Variants in LAMA2 observed in about 807,000 individuals in gnomAD.
LAMA2 encodes laminin subunit alpha 2, also known as laminin subunit alpha-2.
Under a neutral mutation model 364.8 loss-of-function variants are expected in LAMA2, and 269 were observed. The observed-to-expected ratio is 0.74, with a 90% CI of 0.67 to 0.82. The LOEUF is 0.82. Among genes scored for constraint, LAMA2 ranks in the 40% least tolerant of loss-of-function variants. The probability of loss-of-function intolerance (pLI) is 0.00; values close to 1 mark genes in which losing one functional copy is unlikely to be tolerated. For synonymous variants in LAMA2, 1,379 were observed against 1,370.6 expected (o/e 1.01, Z -0.14); for missense variants, 3,807 against 3,873.2 (o/e 0.98, Z 0.45).
intron 34 of LAMA2, among the ~76,000 whole-genome samples, chr6:129,381,804 A>G (rs1554284534): frequency 6.6e-6 from 1 of 151,962 alleles, no homozygotes; most frequent in Non-Finnish European, 1.5e-5. Context: ...ACAGAAAAAA[A>G]TTTTAATTTT....
chr6:129,371,343 C>G (rs1778064377), intron 34 of LAMA2, among the ~76,000 whole-genome samples: 1 of 151,462 alleles, frequency 6.6e-6, no homozygotes, highest in Admixed American at 6.6e-5. Flanking sequence ...TATAATAAAA[C>G]ATGAAATAAA....
At chr6:129,322,303 A>G (rs1775012901) in intron 28 of LAMA2, among the ~76,000 whole-genome samples, 1 of 152,236 alleles carries the variant, frequency 6.6e-6, no homozygotes, top group South Asian at 2.1e-4. Context: ...CTTATACAGT[A>G]AGCACTGCTC....
At chr6:129,232,452 TG>T (rs1414998793) in intron 12 of LAMA2, among the ~76,000 whole-genome samples, 5 of 152,176 alleles carry the variant, frequency 3.3e-5, no homozygotes, top group Non-Finnish European at 7.4e-5. Flanking sequence ...TTCTGAAGAC[TG>T]TGGGGCCATC....
chr6:129,159,747 A>G (rs1225859697), intron 8 of LAMA2, among the ~76,000 whole-genome samples: 3 of 152,188 alleles, frequency 2.0e-5, no homozygotes, highest in African/African-American at 7.2e-5. Context: ...TTTTTTATGG[A>G]CACCCTTTAT....
At chr6:129,446,407 G>A (rs1226840089) in intron 45 of LAMA2, among the ~76,000 whole-genome samples, 1 of 149,484 alleles carries the variant, frequency 6.7e-6, no homozygotes, top group Admixed American at 6.7e-5. Context: ...AGTTTACTAG[G>A]ATAGAAACAG....
At chr6:128,912,874 A>G (rs1778070642) in intron 1 of LAMA2, among the ~76,000 whole-genome samples, 1 of 152,166 alleles carries the variant, frequency 6.6e-6, no homozygotes, top group African/African-American at 2.4e-5. Flanking sequence ...TGAGTTTTGA[A>G]CAGAAGAGAA....
At chr6:129,195,728 T>C (rs1781797361) in intron 12 of LAMA2, among the ~76,000 whole-genome samples, 1 of 152,208 alleles carries the variant, frequency 6.6e-6, no homozygotes, top group African/African-American at 2.4e-5. Context: ...TGTTAATGCT[T>C]GGTTTTAGGG....
intron 41 of LAMA2, among the ~76,000 whole-genome samples, chr6:129,428,217 G>T (rs1781419153): frequency 6.6e-6 from 1 of 152,132 alleles, no homozygotes; most frequent in Admixed American, 6.5e-5. Context: ...ATCCCTTGGT[G>T]CCAAGAATTT....
chr6:129,157,423 T>A (rs1779178428), intron 8 of LAMA2: 1 of 1,419,990 alleles, frequency 7.0e-7, no homozygotes, highest in Non-Finnish European at 9.9e-7. Context: ...AGAAAGAGTC[T>A]GAGAACCAAG....
chr6:128,919,832 G>T (rs1260158860), intron 1 of LAMA2, among the ~76,000 whole-genome samples: 1 of 152,140 alleles, frequency 6.6e-6, no homozygotes, highest in African/African-American at 2.4e-5. Flanking sequence ...GTTAGTCTCT[G>T]ACAGCCCTGG....
intron 12 of LAMA2, among the ~76,000 whole-genome samples, chr6:129,209,565 G>T (rs953902510): frequency 1.3e-5 from 2 of 152,144 alleles, no homozygotes; most frequent in African/African-American, 4.8e-5. Context: ...AGTACAGTAT[G>T]TTTATTTAAA....
intron 14 of LAMA2, among the ~76,000 whole-genome samples, chr6:129,256,764 ATAT>A (rs1423234104): frequency 7.7e-5 from 1 of 13,040 alleles, no homozygotes; most frequent in African/African-American, 1.0e-4. Flanking sequence ...ATTATATAGC[ATAT>A]ATATATATAT....
At chr6:128,927,987 A>G (rs1385370313) in intron 1 of LAMA2, among the ~76,000 whole-genome samples, 2 of 152,224 alleles carry the variant, frequency 1.3e-5, no homozygotes, top group Non-Finnish European at 2.9e-5. Flanking sequence ...TGTAAAGTAC[A>G]GGAAATACTG....
At chr6:129,303,130 C>A (rs1326500278) in intron 22 of LAMA2, among the ~76,000 whole-genome samples, 1 of 151,978 alleles carries the variant, frequency 6.6e-6, no homozygotes, top group Non-Finnish European at 1.5e-5. Flanking sequence ...ATAATTTTTT[C>A]TCAGAAATGT....
At chr6:129,507,373 A>G in intron 61 of LAMA2, 116 bp from the exon 62 acceptor site, 1 of 1,104,512 alleles carries the variant, frequency 9.1e-7, no homozygotes, top group Non-Finnish European at 1.4e-6. Context: ...GGGATATCCC[A>G]TCCTAAGACA....
intron 1 of LAMA2, among the ~76,000 whole-genome samples, chr6:128,981,440 G>C (rs1782864103): frequency 6.6e-6 from 1 of 151,904 alleles, no homozygotes; most frequent in African/African-American, 2.4e-5. Context: ...TTGAACCTGA[G>C]ACATTAAAAA....
At position 129,313,116 on chromosome 6, in the gene LAMA2, C is replaced by A. The variant is rs764704236; in HGVS notation, c.3411+19C>A. 3.3e-6 allele frequency: 5 copies of A among 1,495,332 alleles called. No individual in the cohort carries two copies. The African/African-American group carries it at 5.6e-5, about 17-fold the overall frequency. The allele number at this position is 1,495,332 out of a possible 1,614,324, so 92.6% of individuals were successfully genotyped here. On this transcript the variant is annotated intron_variant, in intron 23 of 64. Transcript: ENST00000421865. ...TTGTAAGGTATGTGCTGCTGACATG[C>A]AGCTAGGGAAAACCTCCCTCAATTC...
rs945259705 is a variant in LAMA2 at position 129,477,704 on chromosome 6, G to A, written c.7452-989G>A. Among the ~76,000 whole-genome samples the A allele has an allele frequency of 3.0e-5, 4 of 132,248 alleles. No individual in the cohort carries two copies. In the East Asian group the frequency reaches 8.5e-4, roughly 28 times the overall value. 86.8% of individuals were successfully genotyped at this position (132,248 alleles called of 152,430 possible). A position where few individuals can be genotyped will look rare whatever the true frequency, so the allele number is the denominator to read the frequency against. ...TAAAATGTATGGGTTTTTGCATTTGGTTGCTTTATTTTGTTATTGTTCTAA... is the reference window on the plus strand; with the variant it reads ...TAAAATGTATGGGTTTTTGCATTTGATTGCTTTATTTTGTTATTGTTCTAA... On this transcript the variant is annotated intron_variant, in intron 53 of 64. Coordinates refer to ENST00000421865, the MANE Select transcript of LAMA2 (RefSeq NM_000426.4).
At chr6:129,230,279 G>A (rs147984628) in intron 12 of LAMA2, among the ~76,000 whole-genome samples, 13 of 152,192 alleles carry the variant, frequency 8.5e-5, no homozygotes, top group African/African-American at 2.6e-4. Flanking sequence ...GGCCAAATAA[G>A]GTAAGAAATG....
Sources: gnomAD v4.1 joint callset for allele counts (sites outside exome capture counted in the v4.1 genomes callset) on GRCh38, gnomAD v4.1.1 for gene constraint, MANE v1.5 for transcripts, NCBI Gene and HGNC (gene_info 2026-07-23, HGNC 2026-07-21) for gene names.